Variants in SSH2 observed in about 807,000 individuals in gnomAD.
SSH2 encodes slingshot protein phosphatase 2.
SSH2 carries 37 observed loss-of-function variants against 135.2 expected under a neutral mutation model. The observed-to-expected ratio is 0.27, with a 90% CI of 0.21 to 0.36. The LOEUF is 0.36. Ranked by LOEUF, SSH2 falls within the 10% of genes least tolerant of loss-of-function variation. The pLI is 1.00. For synonymous variants in SSH2, 628 were observed against 646.2 expected, an observed-to-expected ratio of 0.97 and a Z score of 0.43; for missense variants, 1,408 against 1,765.3, an observed-to-expected ratio of 0.80 and a Z score of 3.63.
At chr17:29,894,477 A>C (rs1236940471) in intron 1 of SSH2, among the ~76,000 whole-genome samples, 2 of 152,126 alleles carry the variant, frequency 1.3e-5, no homozygotes, top group Non-Finnish European at 2.9e-5. Flanking sequence ...ATGCTCCTGT[A>C]CACTTTAAAT....
intron 3 of SSH2, among the ~76,000 whole-genome samples, chr17:29,766,242 C>T (rs2041444923): frequency 6.6e-6 from 1 of 151,758 alleles, no homozygotes; most frequent in Admixed American, 6.6e-5. Flanking sequence ...CACCTGTAAT[C>T]CTAGCACTTT....
At chr17:29,756,658 GT>G (rs968996883) in intron 3 of SSH2, among the ~76,000 whole-genome samples, 4 of 151,576 alleles carry the variant, frequency 2.6e-5, no homozygotes, top group African/African-American at 9.7e-5. Context: ...TTGGTGTTTT[GT>G]TTTGTTTTTT....
chr17:29,646,731 C>T (rs1042608361), intron 14 of SSH2, among the ~76,000 whole-genome samples: 26 of 151,980 alleles, frequency 1.7e-4, no homozygotes, highest in Non-Finnish European at 2.6e-4. Flanking sequence ...AACTCCCGAC[C>T]TTGTGATCCG....
At position 29,855,589 on chromosome 17, in the gene SSH2, C is replaced by G. The variant is rs1330544683; in HGVS notation, c.64-6660G>C. Among the ~76,000 whole-genome samples the G allele has an allele frequency of 2.8e-5, 4 of 145,414 alleles. No homozygotes were observed. The East Asian group carries it at 8.3e-4, about 30-fold the overall frequency. On this transcript the variant is annotated intron_variant, in intron 1 of 15. Transcript: ENST00000540801. ...AAAGCCCAGCAACTTTGGGAGTAAGCTTTTAATCCTTTAAAGGCCAAGACA... is the reference window on the plus strand; with the variant it reads ...AAAGCCCAGCAACTTTGGGAGTAAGGTTTTAATCCTTTAAAGGCCAAGACA...
At position 29,636,453 on chromosome 17, in the gene SSH2, G is replaced by A; in HGVS notation, c.1777C>T (p.Pro593Ser). 2 of 1,614,170 alleles carry A rather than the reference G, an allele frequency of 1.2e-6. No homozygotes were observed. Among genetic ancestry groups the A allele is most frequent in the East Asian group, 4.5e-5 (2 of 44,890 alleles). The change falls in exon 15 of 16, where the codon CCT (proline) becomes TCT (serine). Residue 593 changes from proline to serine, a missense_variant. Around this residue, in one of 3 missense-constraint regions of SSH2, gnomAD observed 1,080 missense variants for 1,144.5 expected, o/e 0.94. Transcript: ENST00000540801. ...SGCCLNESKFPLDNCHASKAL... is the reference protein window; with the variant it reads ...SGCCLNESKFSLDNCHASKAL... ...TTGGATGCATGGCAATTGTCAAGAG[G>A]AAATTTTGATTCATTCAGACAACAC...
At chr17:29,779,809 T>C (rs1421192847) in intron 3 of SSH2, among the ~76,000 whole-genome samples, 7 of 10,764 alleles carry the variant, frequency 6.5e-4, no homozygotes, top group Non-Finnish European at 8.5e-4. Flanking sequence ...AGACTCTGTC[T>C]CAAAAAAAAA....
chr17:29,898,760 A>C (rs1344399653), intron 1 of SSH2, among the ~76,000 whole-genome samples: 1 of 152,154 alleles, frequency 6.6e-6, no homozygotes, highest in Non-Finnish European at 1.5e-5. Context: ...AAAAGAGGGA[A>C]TTCTCCCTAA....
intron 2 of SSH2, among the ~76,000 whole-genome samples, chr17:29,807,832 C>CA (rs2042373025): frequency 2.1e-5 from 2 of 94,392 alleles, no homozygotes. Flanking sequence ...GTTTTGATGG[C>CA]TTTTTTTTTT....
At chr17:29,639,565 C>T (rs2036062185) in intron 14 of SSH2, 1 of 152,464 alleles carries the variant, frequency 6.6e-6, no homozygotes, top group South Asian at 2.1e-4. Flanking sequence ...CTCTCTCTGA[C>T]TCATGCCTGC....
intron 3 of SSH2, chr17:29,761,061 T>G: frequency 8.0e-7 from 1 of 1,250,862 alleles, no homozygotes; most frequent in Non-Finnish European, 1.0e-6. Context: ...CGCTTGATTG[T>G]TTGCTCCCCA....
intron 2 of SSH2, among the ~76,000 whole-genome samples, chr17:29,821,837 G>C (rs373057939): frequency 4.9e-4 from 74 of 152,016 alleles, no homozygotes; most frequent in South Asian, 2.3e-3. Context: ...GTAGAGACGG[G>C]GTTTCACTAT....
At chr17:29,755,631 T>C (rs2151241001) in intron 3 of SSH2, among the ~76,000 whole-genome samples, 1 of 152,094 alleles carries the variant, frequency 6.6e-6, no homozygotes, top group African/African-American at 2.4e-5. Flanking sequence ...GATCTCACTT[T>C]GGTCTATTCA....
intron 8 of SSH2, chr17:29,674,118 A>G (rs1378748816): frequency 2.0e-5 from 9 of 456,594 alleles, no homozygotes; most frequent in Non-Finnish European, 3.5e-5. Flanking sequence ...TTCTTCCACC[A>G]ATAGTACATC....
chr17:29,716,590 G>C, intron 3 of SSH2: 1 of 702,426 alleles, frequency 1.4e-6, no homozygotes, highest in Admixed American at 1.8e-5. Flanking sequence ...CTTTCTTATA[G>C]ATTCGCATAT....
At chr17:29,766,393 G>A (rs61515289) in intron 3 of SSH2, among the ~76,000 whole-genome samples, 6,246 of 151,758 alleles carry the variant, frequency 0.041, 395 homozygotes, top group African/African-American at 0.14. Context: ...GGGAGGTGGA[G>A]GTTGCAGTGA....
At chr17:29,791,612 A>C (rs1277295353) in intron 3 of SSH2, among the ~76,000 whole-genome samples, 1 of 152,194 alleles carries the variant, frequency 6.6e-6, no homozygotes, top group Admixed American at 6.5e-5. Flanking sequence ...TACAAAAATC[A>C]ATCTCTTACA....
At chr17:29,701,889 A>ATTTT (rs35686014) in intron 4 of SSH2, among the ~76,000 whole-genome samples, 4 of 129,164 alleles carry the variant, frequency 3.1e-5, no homozygotes, top group Non-Finnish European at 4.9e-5. Flanking sequence ...CTAATTTAAA[A>ATTTT]TTTTTTTTTT....
chr17:29,754,992 T>G (rs1357001166), intron 3 of SSH2, among the ~76,000 whole-genome samples: 1 of 152,178 alleles, frequency 6.6e-6, no homozygotes, highest in Non-Finnish European at 1.5e-5. Flanking sequence ...TTGCCAGAAT[T>G]TTATCTAACA....
intron 3 of SSH2, among the ~76,000 whole-genome samples, chr17:29,749,716 T>G (rs751790834): frequency 1.3e-5 from 2 of 152,134 alleles, no homozygotes; most frequent in Non-Finnish European, 2.9e-5. Flanking sequence ...AAATTTATTT[T>G]AAAAACTTAT....
Sources: gnomAD v4.1 joint callset for allele counts (sites outside exome capture counted in the v4.1 genomes callset) on GRCh38, gnomAD v4.1.1 for gene constraint, gnomAD v4.1.1 regional missense constraint, MANE v1.5 for transcripts, NCBI Gene and HGNC (gene_info 2026-07-23, HGNC 2026-07-21) for gene names.